The following MYBPHL variants were observed in gnomAD, a reference collection of about 807,000 sequenced individuals.
MYBPHL encodes myosin-binding protein H-like.
Under a neutral mutation model 39.5 loss-of-function variants are expected in MYBPHL, and 32 were observed. The observed-to-expected ratio is 0.81, with a 90% CI of 0.61 to 1.09. The LOEUF (loss-of-function observed/expected upper bound fraction) is 1.09, where lower values mean the gene tolerates loss of function less well. Among genes scored for constraint, MYBPHL ranks in the 50% least tolerant of loss-of-function variants. The pLI is 0.00. For missense variants in MYBPHL, 456 were observed against 460.2 expected (o/e 0.99, Z 0.08); for synonymous variants, 196 against 183.7 (o/e 1.07, Z -0.54).
In MYBPHL at chr1:109,297,140, G is replaced by A. The variant is rs199873036; in HGVS notation, c.480C>T (p.Phe160=). 2.0e-5 allele frequency: 32 copies of A among 1,614,184 alleles called. No individual in the cohort carries two copies. In the African/African-American group the frequency reaches 3.9e-4, roughly 19 times the overall value. ...QSIKLVDVWG[F]SATLEWTPPQ... is the part of the protein sequence containing the mutation. ...GCGGTGTCCATTCCAGTGTAGCGCT[G>A]AAGCCCCAAACGTCCACCAGCTTAA... The change falls in exon 4 of 9, where the codon TTC becomes TTT. Residue 160 remains phenylalanine (F), a synonymous_variant. Transcript: ENST00000357155.
intron 3 of MYBPHL, 109 bp from the exon 4 acceptor site, chr1:109,297,298 C>T: frequency 1.9e-6 from 3 of 1,571,672 alleles, no homozygotes; most frequent in Non-Finnish European, 2.6e-6. Context: ...CCTGCGCCCA[C>T]CCTGTGTCCC....
chr1:109,297,264 C>A (rs1570849935), intron 3 of MYBPHL, 75 bp from the exon 4 acceptor site: 1 of 1,603,132 alleles, frequency 6.2e-7, no homozygotes, highest in East Asian at 2.2e-5. Context: ...GTGCCCTAGC[C>A]CCTTTTTCTC....
At position 109,296,854 on chromosome 1, in the gene MYBPHL, A is replaced by G. The variant is rs142259076; in HGVS notation, c.659T>C (p.Phe220Ser). The G allele has an allele frequency of 9.9e-6, 16 of 1,614,012 alleles. No homozygotes were observed. The highest frequency in any genetic ancestry group is 1.3e-5 in the African/African-American group (1 of 74,910). Reference protein sequence around the residue: ...IIGNSYAFRVFAENQCGLSET... With the variant: ...IIGNSYAFRVSAENQCGLSET... ...ACTGAGTCCGCACTGGTTTTCAGCA[A>G]AGACACGGAAGGCATAGGAGTTGCC... Residue 220 changes from phenylalanine to serine, a missense_variant, in exon 5 of 9, where the codon TTT becomes TCT. By Grantham distance (155) the Phe-to-Ser change is radical (BLOSUM62 -2). Transcript: ENST00000357155.
Position 109,304,852 on chromosome 1 carries a change from G to T in MYBPHL, c.145+1995C>A, listed in dbSNP as rs567322852. ...AGGCTTGCCAAACTAAAAGCTCATT[G>T]TTGGCCATTTGCAGTTGGTTTTGAT... On this transcript the variant is annotated intron_variant, in intron 1 of 8. Coordinates refer to ENST00000357155, the MANE Select transcript of MYBPHL (RefSeq NM_001010985.3). 5.3e-5 allele frequency among the ~76,000 whole-genome samples: 8 copies of T among 152,338 alleles called. No homozygotes were observed. In the South Asian group the frequency reaches 1.0e-3, roughly 20 times the overall value.
chr1:109,295,344 A>G (rs1335810555), intron 6 of MYBPHL, 47 bp from the exon 7 acceptor site: 5 of 1,552,074 alleles, frequency 3.2e-6, no homozygotes. Context: ...CGAGGGTAAG[A>G]ACCAATAGTC....
Position 109,298,237 on chromosome 1 carries a change from G to A in MYBPHL, c.166C>T (p.Pro56Ser), listed in dbSNP as rs1211408113. 1.2e-6 allele frequency: 2 copies of A among 1,610,234 alleles called. No individual in the cohort carries two copies. The highest frequency in any genetic ancestry group is 2.7e-5 in the African/African-American group (2 of 74,668). ...ATGTAGGTCTGCCTCAGGGCCCGAG[G>A]TAGCCAGATCTTGGGGTGCTCTGAG... ...PIEEHPKIWL[P>S]RALRQTYIRK... Residue 56 changes from proline (P) to serine (S), a missense_variant, in exon 2 of 9, where the codon CCT (proline) becomes TCT (serine). By Grantham distance (74) the Pro-to-Ser change is moderately conservative (BLOSUM62 -1). Coordinates refer to ENST00000357155, the MANE Select transcript of MYBPHL (RefSeq NM_001010985.3).
intron 1 of MYBPHL, among the ~76,000 whole-genome samples, chr1:109,299,353 C>A (rs1658202775): frequency 6.6e-6 from 1 of 152,234 alleles, no homozygotes; most frequent in Non-Finnish European, 1.5e-5. Context: ...GGATTCCAGA[C>A]TCTTTGATAG....
chr1:109,294,147 A>G lies in MYBPHL; in HGVS notation c.*33+59T>C, dbSNP rs553513726. ...GGAATGCACCTCTGTCCCTGACTCAACAACACTAGCCATAAACAGGAAGTA... is the reference window on the plus strand; with the variant it reads ...GGAATGCACCTCTGTCCCTGACTCAGCAACACTAGCCATAAACAGGAAGTA... On this transcript the variant is annotated intron_variant, in intron 8 of 8. Coordinates refer to ENST00000357155, the MANE Select transcript of MYBPHL (RefSeq NM_001010985.3). 1.4e-5 allele frequency: 16 copies of G among 1,175,600 alleles called. No individual in the cohort carries two copies. The African/African-American group carries it at 1.6e-4, about 12-fold the overall frequency. 72.8% of individuals were successfully genotyped at this position (1,175,600 alleles called of 1,614,324 possible). A position where few individuals can be genotyped will look rare whatever the true frequency, so the allele number is the denominator to read the frequency against.
At chr1:109,304,164 C>T (rs1383319841) in intron 1 of MYBPHL, among the ~76,000 whole-genome samples, 2 of 152,190 alleles carry the variant, frequency 1.3e-5, no homozygotes, top group Non-Finnish European at 2.9e-5. Context: ...TGTCTAGCTC[C>T]CTCCACTAGA....
intron 1 of MYBPHL, 124 bp from the exon 2 acceptor site, chr1:109,298,381 G>A (rs1658164472): frequency 2.6e-6 from 2 of 767,048 alleles, no homozygotes; most frequent in Non-Finnish European, 4.3e-6. Flanking sequence ...TCTTAGAGGG[G>A]AGGGGAAGAG....
intron 6 of MYBPHL, 132 bp downstream of exon 6, chr1:109,296,102 C>G (rs934962502): frequency 1.8e-6 from 2 of 1,117,820 alleles, no homozygotes; most frequent in Non-Finnish European, 2.5e-6. Context: ...TCCTAAATAC[C>G]GTGCTGTAGA....
At chr1:109,301,522 C>T (rs942017811) in intron 1 of MYBPHL, among the ~76,000 whole-genome samples, 1 of 152,168 alleles carries the variant, frequency 6.6e-6, no homozygotes, top group Non-Finnish European at 1.5e-5. Flanking sequence ...GGGTGGATCA[C>T]CTGAGGTCAG....
At chr1:109,297,271 T>A in intron 3 of MYBPHL, 82 bp from the exon 4 acceptor site, 2 of 1,598,866 alleles carry the variant, frequency 1.3e-6, no homozygotes, top group Non-Finnish European at 1.7e-6. Flanking sequence ...AGCCCCTTTT[T>A]CTCCTCAGTT....
At chr1:109,296,750 C>T in intron 5 of MYBPHL, 33 bp downstream of exon 5, 1 of 1,613,564 alleles carries the variant, frequency 6.2e-7, no homozygotes, top group Non-Finnish European at 8.5e-7. Flanking sequence ...ATCCTTAAGT[C>T]TTCCCAGCTC....
intron 1 of MYBPHL, 40 bp downstream of exon 1, chr1:109,306,807 C>A (rs373913294): frequency 1.3e-6 from 2 of 1,520,276 alleles, no homozygotes; most frequent in Non-Finnish European, 1.8e-6. Flanking sequence ...CCAACTCCCA[C>A]CACCCGGCCT....
chr1:109,304,096 G>C (rs1658380445), intron 1 of MYBPHL, among the ~76,000 whole-genome samples: 1 of 152,146 alleles, frequency 6.6e-6, no homozygotes, highest in Non-Finnish European at 1.5e-5. Flanking sequence ...CCCTGCATTA[G>C]TTTTGGCACA....
At position 109,298,201 on chromosome 1, in the gene MYBPHL, C is replaced by T; in HGVS notation, c.202G>A (p.Gly68Arg). 1 of 1,610,446 alleles carries T rather than the reference C, an allele frequency of 6.2e-7. No individual in the cohort carries two copies. The highest frequency in any genetic ancestry group is 8.5e-7 in the Non-Finnish European group (1 of 1,178,482). Residue 68 changes from glycine (G) to arginine (R), a missense_variant, in exon 2 of 9, where the codon GGG becomes AGG. Transcript: ENST00000357155. ...ALRQTYIRKV[G>R]DTVNLLIPFQ... ...GGGATTAGTAGGTTCACTGTGTCCCCAACCTTCCGGATGTAGGTCTGCCTC... is the reference window on the plus strand; with the variant it reads ...GGGATTAGTAGGTTCACTGTGTCCCTAACCTTCCGGATGTAGGTCTGCCTC...
At chr1:109,292,879 C>T (rs770841172) in intron 8 of MYBPHL, 6 of 152,178 alleles carry the variant, frequency 3.9e-5, no homozygotes, top group South Asian at 2.1e-4. Flanking sequence ...GCTTCTTTTT[C>T]GCCTTATGCA....
At chr1:109,299,445 T>A (rs564677198) in intron 1 of MYBPHL, among the ~76,000 whole-genome samples, 66 of 152,382 alleles carry the variant, frequency 4.3e-4, no homozygotes, top group African/African-American at 1.5e-3. Context: ...TTTAAATACA[T>A]ACATTACATA....
Sources: gnomAD v4.1 joint callset for allele counts (sites outside exome capture counted in the v4.1 genomes callset) on GRCh38, gnomAD v4.1.1 for gene constraint, MANE v1.5 for transcripts, NCBI Gene and HGNC (gene_info 2026-07-23, HGNC 2026-07-21) for gene names.